The following VCAN variants were observed in gnomAD, a reference collection of about 807,000 sequenced individuals.
VCAN encodes versican core protein.
Under a neutral mutation model 245.5 loss-of-function variants are expected in VCAN, and 44 were observed. The observed-to-expected ratio is 0.18, with a 90% CI of 0.14 to 0.23. The LOEUF (loss-of-function observed/expected upper bound fraction) is 0.23, where lower values mean the gene tolerates loss of function less well. Ranked by LOEUF, VCAN falls within the 10% of genes least tolerant of loss-of-function variation. The probability of loss-of-function intolerance (pLI) is 1.00; values close to 1 mark genes in which losing one functional copy is unlikely to be tolerated. For synonymous variants in VCAN, 1,413 were observed against 1,437.0 expected (o/e 0.98, Z 0.38); for missense variants, 3,793 against 4,057.9 (o/e 0.93, Z 1.77).
chr5:83,542,029 A>G lies in VCAN; in HGVS notation c.9026A>G (p.Glu3009Gly), dbSNP rs775632814. The G allele has an allele frequency of 8.7e-6, 14 of 1,610,278 alleles. No homozygotes were observed. Among genetic ancestry groups the G allele is most frequent in the Non-Finnish European group, 1.2e-5 (14 of 1,177,340 alleles). The change falls in exon 8 of 15, where the codon GAA (glutamate) becomes GGA (glycine). Residue 3009 changes from glutamate (E) to glycine (G), a missense_variant. Glu to Gly is a moderately conservative substitution (Grantham distance 98). Transcript: ENST00000265077. Reference sequence around the variant, plus strand: ...AGGCCCACGCTTTCTTCTTCTCCAGAAATAAACCCTGAAACTCAAGCAGCT... The same window carrying G: ...AGGCCCACGCTTTCTTCTTCTCCAGGAATAAACCCTGAAACTCAAGCAGCT... ...SERPTLSSSP[E>G]INPETQAALI...
intron 1 of VCAN, among the ~76,000 whole-genome samples, chr5:83,473,875 G>A (rs948693812): frequency 2.0e-5 from 3 of 152,196 alleles, no homozygotes; most frequent in Non-Finnish European, 4.4e-5. Flanking sequence ...GTACATCTAG[G>A]AGTTTGGAGG....
chr5:83,542,802 G>A (rs1245943801), intron 8 of VCAN, among the ~76,000 whole-genome samples: 1 of 152,174 alleles, frequency 6.6e-6, no homozygotes, highest in Non-Finnish European at 1.5e-5. Flanking sequence ...GTTTAAGACA[G>A]TCTACATAAT....
chr5:83,524,615 A>G (rs933742797), intron 7 of VCAN, among the ~76,000 whole-genome samples: 1 of 152,012 alleles, frequency 6.6e-6, no homozygotes. Context: ...TGTGTTCTGT[A>G]TATGCTGTTC....
Position 83,521,520 on chromosome 5 carries a change from G to A in VCAN, c.3214G>A (p.Ala1072Thr). ...GGATGAACAAGAGGGCGATGGATCA[G>A]CATATACAGTCTCTGAAGATGAATT... ...PLDEQEGDGS[A>T]YTVSEDELLT... Residue 1072 changes from alanine to threonine, a missense_variant, in exon 7 of 15, where the codon GCA becomes ACA. By Grantham distance (58) the Ala-to-Thr change is moderately conservative. Transcript: ENST00000265077. The A allele has an allele frequency of 1.9e-6, 3 of 1,614,080 alleles. No individual in the cohort carries two copies. The highest frequency in any genetic ancestry group is 2.5e-6 in the Non-Finnish European group (3 of 1,180,018).
At chr5:83,502,608 G>T (rs977278114) in intron 5 of VCAN, among the ~76,000 whole-genome samples, 3 of 152,120 alleles carry the variant, frequency 2.0e-5, no homozygotes, top group African/African-American at 7.2e-5. Flanking sequence ...CATTTTAGTG[G>T]GGGCTTCCTG....
intron 6 of VCAN, among the ~76,000 whole-genome samples, chr5:83,516,203 G>A (rs1745852054): frequency 6.6e-6 from 1 of 152,098 alleles, no homozygotes; most frequent in Admixed American, 6.5e-5. Context: ...AGAATGGCGT[G>A]AACCTGGGAG....
chr5:83,483,743 C>T (rs1370476891), intron 2 of VCAN, 155 bp downstream of exon 2: 1 of 735,532 alleles, frequency 1.4e-6, no homozygotes, highest in African/African-American at 1.8e-5. Context: ...GGACCAAAAA[C>T]ATTAGTTTTA....
rs779690845 is a variant in VCAN, at chr5:83,540,119, T to G, written c.7116T>G (p.Ser2372Arg). Residue 2372 changes from serine to arginine, a missense_variant, in exon 8 of 15, where the codon AGT (serine) becomes AGG (arginine). By Grantham distance (110) the Ser-to-Arg change is moderately radical (BLOSUM62 -1). Transcript: ENST00000265077. ...GGTGGGCAGAAGAAATCCAGACTAG[T>G]AGACCACAAACCATAACTGAACAAG... is the stretch of plus-strand genomic sequence containing the variant. ...TVRWAEEIQT[S>R]RPQTITEQDS... 8.7e-6 allele frequency: 14 copies of G among 1,613,858 alleles called. No individual in the cohort carries two copies. Among genetic ancestry groups the G allele is most frequent in the Non-Finnish European group, 1.2e-5 (14 of 1,180,002 alleles).
In VCAN at chr5:83,493,527, T is replaced by C. The variant is rs758255742; in HGVS notation, c.446-19T>C. The C allele has an allele frequency of 5.6e-6, 9 of 1,612,776 alleles. No individual in the cohort carries two copies. Among genetic ancestry groups the C allele is most frequent in the Non-Finnish European group, 7.6e-6 (9 of 1,180,006 alleles). On this transcript the variant is annotated intron_variant, in intron 3 of 14. Coordinates refer to ENST00000265077, the MANE Select transcript of VCAN (RefSeq NM_004385.5). ...GGAGATTTGAACAGGCTGGCAATTG[T>C]TTGCTGTTGTTTTTGCAGGGGTTGT...
intron 7 of VCAN, among the ~76,000 whole-genome samples, chr5:83,533,900 T>A (rs1288352513): frequency 6.6e-6 from 1 of 152,104 alleles, no homozygotes; most frequent in Non-Finnish European, 1.5e-5. Flanking sequence ...AATCAGAAAC[T>A]ATAAAGTGAA....
chr5:83,572,398 C>T lies in VCAN; in HGVS notation c.9736-18C>T. On this transcript the variant is annotated intron_variant, in intron 12 of 14. Coordinates refer to ENST00000265077, the MANE Select transcript of VCAN (RefSeq NM_004385.5). ...TTTTTGACTAGCAAGTAGTTACCTT[C>T]TCCCTCCATTTTTACAGCAATACGA... 1 of 1,613,742 alleles carries T rather than the reference C, an allele frequency of 6.2e-7. No homozygotes were observed. Among genetic ancestry groups the T allele is most frequent in the African/African-American group, 1.3e-5 (1 of 75,022 alleles).
In VCAN at chr5:83,520,534, T is replaced by C. The variant is rs2112409412; in HGVS notation, c.2228T>C (p.Met743Thr). ...PIHVTESSVE[M>T]TKSFDFPTLI... ...CATGTTACAGAGTCTTCTGTGGAAATGACCAAGTCTTTTGATTTCCCAACA... is the reference window on the plus strand; with the variant it reads ...CATGTTACAGAGTCTTCTGTGGAAACGACCAAGTCTTTTGATTTCCCAACA... The change falls in exon 7 of 15, where the codon ATG becomes ACG. Residue 743 changes from methionine (M) to threonine (T), a missense_variant. By Grantham distance (81) the Met-to-Thr change is moderately conservative. Transcript: ENST00000265077. The C allele has an allele frequency of 1.2e-6, 2 of 1,614,006 alleles. No individual in the cohort carries two copies. The highest frequency in any genetic ancestry group is 1.7e-6 in the Non-Finnish European group (2 of 1,179,966).
rs1371138899 is a variant in VCAN, at chr5:83,539,124, A to G, written c.6121A>G (p.Ile2041Val). 1 of 1,613,876 alleles carries G rather than the reference A, an allele frequency of 6.2e-7. No individual in the cohort carries two copies. Among genetic ancestry groups the G allele is most frequent in the Non-Finnish European group, 8.5e-7 (1 of 1,180,002 alleles). The change falls in exon 8 of 15, where the codon ATC (isoleucine) becomes GTC (valine). Residue 2041 changes from isoleucine to valine, a missense_variant. By Grantham distance (29) the Ile-to-Val change is conservative. Coordinates refer to ENST00000265077, the MANE Select transcript of VCAN (RefSeq NM_004385.5). ...GTTTTCTGGTACAGCTTCCTCCATTATCGACGAAGGATTGGGAGAAGTGGG... is the reference window on the plus strand; with the variant it reads ...GTTTTCTGGTACAGCTTCCTCCATTGTCGACGAAGGATTGGGAGAAGTGGG... ...QKFSGTASSIIDEGLGEVGTV... is the reference protein window; with the variant it reads ...QKFSGTASSIVDEGLGEVGTV...
At chr5:83,477,223 A>G (rs1486949857) in intron 1 of VCAN, among the ~76,000 whole-genome samples, 1 of 152,210 alleles carries the variant, frequency 6.6e-6, no homozygotes, top group African/African-American at 2.4e-5. Flanking sequence ...CTTGGGATTC[A>G]TATTGATCTA....
At chr5:83,555,449 T>C (rs2112473390) in intron 12 of VCAN, among the ~76,000 whole-genome samples, 1 of 152,350 alleles carries the variant, frequency 6.6e-6, no homozygotes, top group Admixed American at 6.5e-5. Flanking sequence ...AAGGCATGAC[T>C]CATTTCCAAG....
At chr5:83,545,673 A>C (rs1027018236) in intron 9 of VCAN, 23 bp downstream of exon 9, 1 of 1,564,890 alleles carries the variant, frequency 6.4e-7, no homozygotes. Context: ...TTGGCTGAAA[A>C]GGTGCAGTTC....
chr5:83,521,071 G>C lies in VCAN; in HGVS notation c.2765G>C (p.Gly922Ala), dbSNP rs769007714. 13 of 1,613,954 alleles carry C rather than the reference G, an allele frequency of 8.1e-6. No individual in the cohort carries two copies. Among genetic ancestry groups the C allele is most frequent in the African/African-American group, 5.3e-5 (4 of 74,920 alleles). Residue 922 changes from glycine (G) to alanine (A), a missense_variant, in exon 7 of 15, where the codon GGA becomes GCA. By Grantham distance (60) the Gly-to-Ala change is moderately conservative (BLOSUM62 0). This residue lies in a region of VCAN where 3,182 missense variants were observed against 3,250.3 expected (regional missense o/e 0.98). Transcript: ENST00000265077. The part of the protein sequence containing the change: ...TEGQVYATME[G>A]SALGEVEDVD... ...GGCCAAGTTTATGCAACCATGGAAGGAAGTGCTTTGGGTGAAGTAGAAGAT... is the reference window on the plus strand; with the variant it reads ...GGCCAAGTTTATGCAACCATGGAAGCAAGTGCTTTGGGTGAAGTAGAAGAT...
intron 8 of VCAN, chr5:83,545,142 C>A: frequency 7.4e-6 from 2 of 271,804 alleles, no homozygotes; most frequent in Non-Finnish European, 1.4e-5. Flanking sequence ...TCTGTGTATC[C>A]AGCCATTTCA....
intron 2 of VCAN, 61 bp from the exon 3 acceptor site, chr5:83,490,037 T>G: frequency 6.4e-7 from 1 of 1,571,908 alleles, no homozygotes; most frequent in Non-Finnish European, 8.7e-7. Flanking sequence ...CATTCACATA[T>G]TGAATAGATT....
Sources: allele counts gnomAD v4.1 joint callset (sites outside exome capture counted in the v4.1 genomes callset), GRCh38; gene constraint gnomAD v4.1.1; regional missense constraint gnomAD v4.1.1; transcripts MANE v1.5; gene names NCBI Gene and HGNC (gene_info 2026-07-23, HGNC 2026-07-21).